The following ACACA variants were observed in gnomAD, a reference collection of about 807,000 sequenced individuals.
ACACA encodes the protein acetyl-CoA carboxylase alpha.
In ACACA, 103 loss-of-function variants were observed where a neutral mutation model predicts 296.1. That is an observed-to-expected ratio of 0.35 (90% CI 0.30 to 0.41). The LOEUF is 0.41. ACACA is among the 10% of genes least tolerant of loss of function. The probability of loss-of-function intolerance (pLI) is 1.00; values close to 1 mark genes in which losing one functional copy is unlikely to be tolerated. For synonymous variants in ACACA, 953 were observed against 1,038.6 expected, an observed-to-expected ratio of 0.92 and a Z score of 1.58; for missense variants, 1,554 against 2,989.7, an observed-to-expected ratio of 0.52 and a Z score of 11.20.
At chr17:37,393,620 A>G (rs2147820492) in intron 1 of ACACA, among the ~76,000 whole-genome samples, 1 of 152,258 alleles carries the variant, frequency 6.6e-6, no homozygotes, top group South Asian at 2.1e-4. Flanking sequence ...AGGTGGGCAG[A>G]TGGCTTGAGG....
chr17:37,159,037 G>C (rs2076362542), intron 42 of ACACA, among the ~76,000 whole-genome samples: 1 of 151,858 alleles, frequency 6.6e-6, no homozygotes, highest in African/African-American at 2.4e-5. Context: ...AATTAGCTGG[G>C]TGTAGTGGTG....
intron 2 of ACACA, among the ~76,000 whole-genome samples, chr17:37,338,177 C>T (rs2048216430): frequency 6.7e-6 from 1 of 149,040 alleles, no homozygotes; most frequent in East Asian, 2.0e-4. Context: ...GCAACATGAG[C>T]CAAGATCACC....
In ACACA at chr17:37,129,318, A is replaced by G; in HGVS notation, c.5944+47T>C. The G allele has an allele frequency of 1.9e-6, 3 of 1,611,918 alleles. No homozygotes were observed. In the South Asian group the frequency reaches 3.3e-5, roughly 18 times the overall value. On this transcript the variant is annotated intron_variant, in intron 47 of 55. Coordinates refer to ENST00000616317, the MANE Select transcript of ACACA (RefSeq NM_198834.3). ...TTGGATAGTGATTGAAAAGAACGCT[A>G]AAAGCTTAAGAGCCAGGTACCATGG...
intron 1 of ACACA, among the ~76,000 whole-genome samples, chr17:37,352,727 C>CA (rs58899496): frequency 1.3e-3 from 164 of 125,828 alleles, no homozygotes; most frequent in African/African-American, 1.5e-3. Flanking sequence ...GAGACCTTAT[C>CA]AAAAAAAAAA....
intron 16 of ACACA, 53 bp from the exon 17 acceptor site, chr17:37,248,727 G>A: frequency 2.3e-6 from 3 of 1,286,032 alleles, no homozygotes; most frequent in Non-Finnish European, 3.4e-6. Context: ...AGTTATAAGA[G>A]AATCTAAAAC....
chr17:37,399,278 G>A (rs927283804), intron 1 of ACACA, among the ~76,000 whole-genome samples: 2 of 152,068 alleles, frequency 1.3e-5, no homozygotes, highest in Non-Finnish European at 2.9e-5. Flanking sequence ...ACCGCACCAG[G>A]CCCTAAATTC....
chr17:37,268,031 G>C (rs1226852065), intron 10 of ACACA, among the ~76,000 whole-genome samples: 2 of 152,102 alleles, frequency 1.3e-5, no homozygotes, highest in African/African-American at 4.8e-5. Flanking sequence ...TTCAGTTCTA[G>C]AACTTTTGTT....
intron 31 of ACACA, 133 bp from the exon 32 acceptor site, chr17:37,207,012 TGG>T: frequency 2.4e-6 from 2 of 825,376 alleles, no homozygotes; most frequent in Non-Finnish European, 4.0e-6. Context: ...GAATCACCAG[TGG>T]CTAGAGGTGA....
chr17:37,244,385 T>TA (rs2080585949), intron 21 of ACACA, among the ~76,000 whole-genome samples: 1 of 147,920 alleles, frequency 6.8e-6, no homozygotes, highest in African/African-American at 2.5e-5. Flanking sequence ...AAAAAAGGAG[T>TA]AATCACAATT....
At chr17:37,095,398 A>G (rs1597799510) in intron 54 of ACACA, among the ~76,000 whole-genome samples, 1 of 152,366 alleles carries the variant, frequency 6.6e-6, no homozygotes, top group Admixed American at 6.5e-5. Context: ...CACATTTGAA[A>G]TATTTATCCA....
chr17:37,101,741 A>G (rs1179516915), intron 52 of ACACA, among the ~76,000 whole-genome samples: 1 of 152,200 alleles, frequency 6.6e-6, no homozygotes, highest in Non-Finnish European at 1.5e-5. Context: ...AATGTCTCCA[A>G]TAGTTCCCAT....
intron 26 of ACACA, chr17:37,225,484 T>G (rs2079500873): frequency 4.2e-6 from 1 of 240,074 alleles, no homozygotes; most frequent in African/African-American, 2.3e-5. Context: ...GTGGGAAAGG[T>G]AGATGCAGCA....
At chr17:37,352,718 A>G (rs2048963361) in intron 1 of ACACA, among the ~76,000 whole-genome samples, 1 of 151,852 alleles carries the variant, frequency 6.6e-6, no homozygotes, top group Non-Finnish European at 1.5e-5. Context: ...TGACAGAGTG[A>G]GACCTTATCA....
At chr17:37,300,907 T>C (rs949448353) in intron 3 of ACACA, among the ~76,000 whole-genome samples, 2 of 152,226 alleles carry the variant, frequency 1.3e-5, no homozygotes, top group Middle Eastern at 3.2e-3. Context: ...CTTCTATCTT[T>C]ACGTCTCTTC....
At chr17:37,232,339 A>G (rs1158852994) in intron 25 of ACACA, among the ~76,000 whole-genome samples, 2 of 152,216 alleles carry the variant, frequency 1.3e-5, no homozygotes, top group Non-Finnish European at 2.9e-5. Context: ...ATATGCAAAG[A>G]AAGGGGAACC....
chr17:37,375,049 G>A (rs1190701775), intron 1 of ACACA, among the ~76,000 whole-genome samples: 1 of 151,778 alleles, frequency 6.6e-6, no homozygotes, highest in African/African-American at 2.4e-5. Context: ...ATAAAAATTA[G>A]CCGGCAGGGT....
Position 37,107,405 on chromosome 17 carries a change from C to T in ACACA, c.6565+4126G>A, listed in dbSNP as rs1440981993. 2.6e-5 allele frequency among the ~76,000 whole-genome samples: 4 copies of T among 152,338 alleles called. No individual in the cohort carries two copies. In the East Asian group the frequency reaches 7.7e-4, roughly 29 times the overall value. On this transcript the variant is annotated intron_variant, in intron 52 of 55. Transcript: ENST00000616317. The stretch of plus-strand genomic sequence containing the variant: ...GCCCAGGGAACAGTCCTTTTCCTGT[C>T]ATTCTGGCTGCTAGAGAAGGCTTGG...
intron 3 of ACACA, chr17:37,301,319 C>A: frequency 1.1e-6 from 1 of 943,708 alleles, no homozygotes; most frequent in Non-Finnish European, 1.3e-6. Flanking sequence ...ACATTCATTT[C>A]TCCAAATTTA....
chr17:37,406,643 C>T lies in ACACA; in HGVS notation c.-344G>A, dbSNP rs895853517. The T allele has an allele frequency of 2.0e-4, 100 of 490,494 alleles. No individual in the cohort carries two copies. The highest frequency in any genetic ancestry group is 5.2e-5 in the Non-Finnish European group (14 of 269,740). The allele number at this position is 490,494 out of a possible 1,614,324, so 30.4% of individuals were successfully genotyped here. A position where few individuals can be genotyped will look rare whatever the true frequency, so the allele number is the denominator to read the frequency against. ...CCACGCGCCAGGAAGCCTCAGGCAA[C>T]GGGCCACGCGCCACACGGGCAAAGT... On this transcript the variant is annotated 5_prime_UTR_variant, in exon 1 of 56. Coordinates refer to ENST00000616317, the MANE Select transcript of ACACA (RefSeq NM_198834.3).
Sources: gnomAD v4.1 joint callset for allele counts (sites outside exome capture counted in the v4.1 genomes callset) on GRCh38, gnomAD v4.1.1 for gene constraint, MANE v1.5 for transcripts, NCBI Gene and HGNC (gene_info 2026-07-23, HGNC 2026-07-21) for gene names.